Variants in ELAVL2 observed in about 807,000 individuals in gnomAD.
ELAVL2 encodes the protein ELAV like RNA binding protein 2.
ELAVL2 carries 4 observed loss-of-function variants against 34.6 expected under a neutral mutation model. The ratio of observed to expected loss-of-function variants is 0.12; its 90% CI spans 0.06 to 0.26. The LOEUF is 0.26. Ranked by LOEUF, ELAVL2 falls within the 10% of genes least tolerant of loss-of-function variation. ELAVL2 has a pLI of 1.00. For missense variants in ELAVL2, 432 were observed against 442.8 expected, an observed-to-expected ratio of 0.98 and a Z score of 0.22; for synonymous variants, 193 against 154.8, an observed-to-expected ratio of 1.25 and a Z score of -1.83.
At chr9:23,824,606 G>A (rs1409517078) in intron 1 of ELAVL2, among the ~76,000 whole-genome samples, 1 of 152,092 alleles carries the variant, frequency 6.6e-6, no homozygotes, top group East Asian at 1.9e-4. Flanking sequence ...CTTCTCTTAG[G>A]AAAGCCAGCA....
intron 1 of ELAVL2, among the ~76,000 whole-genome samples, chr9:23,815,514 C>CAAAAATAT (rs1297396489): frequency 1.3e-5 from 2 of 152,030 alleles, no homozygotes; most frequent in African/African-American, 4.8e-5. Context: ...CATTGAAAGC[C>CAAAAATAT]AAAAATATAA....
At chr9:23,822,943 G>C (rs1373127430) in intron 1 of ELAVL2, among the ~76,000 whole-genome samples, 2 of 152,214 alleles carry the variant, frequency 1.3e-5, no homozygotes, top group African/African-American at 4.8e-5. Context: ...GGGGGGAAGG[G>C]AGGGGACTCG....
At chr9:23,848,293 G>C in the ELAVL2 span, among the ~76,000 whole-genome samples, 2 of 152,134 alleles carry the variant, frequency 1.3e-5, no homozygotes, top group Non-Finnish European at 2.9e-5. Context: ...AGAAGAAGGA[G>C]ATTTCTCAAC....
chr9:23,741,642 G>T lies in ELAVL2; in HGVS notation c.230-10517C>A, dbSNP rs76365682. ...AGAGTCCCCACTGCAAAATCCTCATGATTAGGAGGAGTCATAATTAGTCCA... is the reference window on the plus strand; with the variant it reads ...AGAGTCCCCACTGCAAAATCCTCATTATTAGGAGGAGTCATAATTAGTCCA... On this transcript the variant is annotated intron_variant, in intron 2 of 6. Transcript: ENST00000397312. 3.9e-5 allele frequency among the ~76,000 whole-genome samples: 6 copies of T among 152,202 alleles called. No homozygotes were observed. In the East Asian group the frequency reaches 1.2e-3, roughly 30 times the overall value.
chr9:23,738,397 A>G (rs559637154), intron 2 of ELAVL2, among the ~76,000 whole-genome samples: 2 of 152,198 alleles, frequency 1.3e-5, no homozygotes, highest in African/African-American at 4.8e-5. Flanking sequence ...GGGTCAAGTT[A>G]AACAGGTCTT....
At chr9:23,824,511 T>G (rs1209870762) in intron 1 of ELAVL2, among the ~76,000 whole-genome samples, 3 of 152,020 alleles carry the variant, frequency 2.0e-5, no homozygotes, top group Non-Finnish European at 2.9e-5. Context: ...GCTTTGTAGC[T>G]TTTTCCCATC....
intron 3 of ELAVL2, among the ~76,000 whole-genome samples, chr9:23,721,163 C>T (rs1052319797): frequency 3.9e-5 from 6 of 152,154 alleles, no homozygotes; most frequent in Non-Finnish European, 5.9e-5. Flanking sequence ...ATATAAATCA[C>T]CTGCAAATGC....
intron 6 of ELAVL2, among the ~76,000 whole-genome samples, 166 bp from the exon 7 acceptor site, chr9:23,693,050 T>C (rs1263400589): frequency 2.6e-5 from 4 of 152,214 alleles, no homozygotes; most frequent in African/African-American, 4.8e-5. Flanking sequence ...GTGTGTGGCT[T>C]TGCAGTGACA....
intron 2 of ELAVL2, among the ~76,000 whole-genome samples, chr9:23,732,657 G>T (rs1028931420): frequency 6.6e-6 from 1 of 152,070 alleles, no homozygotes; most frequent in African/African-American, 2.4e-5. Context: ...AATTAAATTG[G>T]CTGAATGTAA....
chr9:23,695,928 T>TC (rs1446529230), intron 5 of ELAVL2, among the ~76,000 whole-genome samples: 1 of 152,144 alleles, frequency 6.6e-6, no homozygotes, highest in Non-Finnish European at 1.5e-5. Context: ...CTCCCTCACT[T>TC]CCATCTCTGG....
intron 4 of ELAVL2, among the ~76,000 whole-genome samples, chr9:23,702,965 A>AAAAAC (rs2037881305): frequency 7.0e-6 from 1 of 142,128 alleles, no homozygotes; most frequent in Non-Finnish European, 1.5e-5. Context: ...AAAAAAAAAA[A>AAAAAC]AAAAAAAAAA....
At chr9:23,821,814 C>G (rs987046585) in intron 1 of ELAVL2, 4 of 151,630 alleles carry the variant, frequency 2.6e-5, no homozygotes, top group Admixed American at 6.6e-5. Flanking sequence ...GCTACTGCCT[C>G]AGTGACGCCC....
chr9:23,715,364 G>A lies in ELAVL2; in HGVS notation c.334-10293C>T, dbSNP rs1026008196. Among the ~76,000 whole-genome samples the A allele has an allele frequency of 5.9e-5, 9 of 152,216 alleles. No individual in the cohort carries two copies. In the South Asian group the frequency reaches 1.5e-3, roughly 25 times the overall value. ...GGGGTTTCACAGTGTTAGCCAGAAT[G>A]GTCTTGATCTCCTGACCTCGTGAGC... On this transcript the variant is annotated intron_variant, in intron 3 of 6. Transcript: ENST00000397312.
At chr9:23,789,082 A>C (rs2060041659) in intron 1 of ELAVL2, among the ~76,000 whole-genome samples, 1 of 152,158 alleles carries the variant, frequency 6.6e-6, no homozygotes, top group Middle Eastern at 3.2e-3. Context: ...ATAGTCCCCC[A>C]ATTTTTTCCT....
intron 2 of ELAVL2, among the ~76,000 whole-genome samples, chr9:23,744,147 A>G (rs1232666096): frequency 6.6e-6 from 1 of 152,176 alleles, no homozygotes; most frequent in Non-Finnish European, 1.5e-5. Context: ...CTGTGGGAAA[A>G]GAAACTGCAC....
At chr9:23,707,412 A>T (rs796106073) in intron 3 of ELAVL2, among the ~76,000 whole-genome samples, 8 of 152,318 alleles carry the variant, frequency 5.3e-5, no homozygotes, top group African/African-American at 1.9e-4. Context: ...GGAGCACCCA[A>T]CAAGTCAGCT....
At chr9:23,719,633 T>C (rs539688045) in intron 3 of ELAVL2, among the ~76,000 whole-genome samples, 1 of 152,246 alleles carries the variant, frequency 6.6e-6, no homozygotes, top group African/African-American at 2.4e-5. Flanking sequence ...AGTTTGCATA[T>C]AGCAAAAAAT....
the ELAVL2 span, among the ~76,000 whole-genome samples, chr9:23,845,255 T>G: frequency 1.3e-5 from 2 of 151,820 alleles, no homozygotes; most frequent in African/African-American, 4.8e-5. Context: ...TTACATATAT[T>G]CATTATTTAT....
rs563365681 is a variant in ELAVL2 at position 23,769,655 on chromosome 9, C to G, written c.-15-7406G>C. On this transcript the variant is annotated intron_variant, in intron 1 of 6. Transcript: ENST00000397312. ...CCCACCCACATACCATGTTAGCTGT[C>G]TCACTAGCTCTACGAATTCCTCAAA... is the stretch of plus-strand genomic sequence containing the variant. Among the ~76,000 whole-genome samples the G allele has an allele frequency of 3.3e-5, 5 of 152,348 alleles. No homozygotes were observed. In the South Asian group the frequency reaches 6.2e-4, roughly 19 times the overall value.
Sources: gnomAD v4.1 joint callset for allele counts (sites outside exome capture counted in the v4.1 genomes callset) on GRCh38, gnomAD v4.1.1 for gene constraint, MANE v1.5 for transcripts, NCBI Gene and HGNC (gene_info 2026-07-23, HGNC 2026-07-21) for gene names.